Variants in DOCK10 observed in about 807,000 individuals in gnomAD.
DOCK10 encodes dedicator of cytokinesis protein 10.
In DOCK10, 145 loss-of-function variants were observed where a neutral mutation model predicts 280.1. The ratio of observed to expected loss-of-function variants is 0.52; its 90% confidence interval spans 0.45 to 0.59. The LOEUF is 0.59. DOCK10 is among the 20% of genes least tolerant of loss of function. The probability of loss-of-function intolerance (pLI) is 0.00; values close to 1 mark genes in which losing one functional copy is unlikely to be tolerated. For synonymous variants in DOCK10, 915 were observed against 942.2 expected, an observed-to-expected ratio of 0.97 and a Z score of 0.53; for missense variants, 2,368 against 2,651.7, an observed-to-expected ratio of 0.89 and a Z score of 2.35.
At chr2:224,794,101 T>C (rs1692388714) in intron 45 of DOCK10, among the ~76,000 whole-genome samples, 1 of 152,248 alleles carries the variant, frequency 6.6e-6, no homozygotes, top group South Asian at 2.1e-4. Flanking sequence ...AGAAATTTCA[T>C]CATTTTCAGA....
intron 29 of DOCK10, among the ~76,000 whole-genome samples, chr2:224,817,105 C>A (rs541557448): frequency 6.6e-6 from 1 of 152,338 alleles, no homozygotes; most frequent in East Asian, 1.9e-4. Context: ...CAGACTTCTA[C>A]AATGAGCTCC....
chr2:224,945,684 T>TAC (rs1350375934), intron 1 of DOCK10, among the ~76,000 whole-genome samples: 2 of 152,034 alleles, frequency 1.3e-5, no homozygotes, highest in African/African-American at 4.8e-5. Context: ...TGTGCATATA[T>TAC]ATATATATAA....
chr2:224,875,985 A>G (rs1698603293), intron 8 of DOCK10, 53 bp downstream of exon 8: 7 of 1,562,752 alleles, frequency 4.5e-6, no homozygotes, highest in Admixed American at 2.0e-5. Flanking sequence ...TAGTGAACCA[A>G]AAACACAGGT....
chr2:224,990,854 A>C (rs190448889), intron 1 of DOCK10, among the ~76,000 whole-genome samples: 17 of 152,340 alleles, frequency 1.1e-4, no homozygotes, highest in African/African-American at 3.6e-4. Context: ...TTCTGATCAC[A>C]GTCAATTCCT....
intron 1 of DOCK10, among the ~76,000 whole-genome samples, chr2:225,027,246 C>T (rs952488329): frequency 6.6e-6 from 1 of 152,194 alleles, no homozygotes. Context: ...AGTCACCTTT[C>T]GTGACAGTCT....
intron 14 of DOCK10, among the ~76,000 whole-genome samples, chr2:224,858,783 T>C (rs16866242): frequency 0.022 from 3,311 of 152,312 alleles, 118 homozygotes; most frequent in African/African-American, 0.074. Flanking sequence ...CAGTATATTG[T>C]GAGGATCTCA....
intron 3 of DOCK10, among the ~76,000 whole-genome samples, chr2:224,896,920 T>C (rs1483629791): frequency 6.6e-6 from 1 of 152,190 alleles, no homozygotes; most frequent in African/African-American, 2.4e-5. Flanking sequence ...GGGGGAACTA[T>C]TTAACATATT....
At chr2:224,977,454 A>C (rs765578567) in intron 1 of DOCK10, among the ~76,000 whole-genome samples, 7 of 152,206 alleles carry the variant, frequency 4.6e-5, no homozygotes, top group Non-Finnish European at 8.8e-5. Context: ...AATGAAGCTA[A>C]CTTCTGGGGT....
intron 1 of DOCK10, among the ~76,000 whole-genome samples, chr2:224,945,918 A>C (rs1340807941): frequency 6.6e-6 from 1 of 152,196 alleles, no homozygotes; most frequent in African/African-American, 2.4e-5. Context: ...TACACGGTAC[A>C]GGATAGCCCC....
At chr2:224,833,176 C>G (rs992821223) in intron 26 of DOCK10, among the ~76,000 whole-genome samples, 1 of 152,134 alleles carries the variant, frequency 6.6e-6, no homozygotes, top group Non-Finnish European at 1.5e-5. Context: ...TCCTTTTAAA[C>G]CAAGGTCAGC....
chr2:224,845,351 T>A lies in DOCK10; in HGVS notation c.2360-27A>T, dbSNP rs1373872429. On this transcript the variant is annotated intron_variant, in intron 20 of 55. Coordinates refer to ENST00000258390, the MANE Select transcript of DOCK10 (RefSeq NM_014689.3). ...TGTGCAAAAGAATAACCAACAAAAA[T>A]TCTGAGTACAAACCTCCATGGTAAG... 8.2e-6 allele frequency: 13 copies of A among 1,580,794 alleles called. No individual in the cohort carries two copies. The South Asian group carries it at 1.5e-4, about 18-fold the overall frequency.
chr2:224,885,879 T>C, intron 6 of DOCK10, 74 bp from the exon 7 acceptor site: 2 of 1,553,544 alleles, frequency 1.3e-6, no homozygotes. Flanking sequence ...AGAATTATTC[T>C]AATTCCTTCA....
At chr2:224,787,171 T>C in intron 49 of DOCK10, 36 bp from the exon 50 acceptor site, 1 of 1,606,824 alleles carries the variant, frequency 6.2e-7, no homozygotes, top group Non-Finnish European at 8.5e-7. Context: ...ATGAAGATGA[T>C]GCTGTCATAC....
chr2:224,787,503 C>G, intron 48 of DOCK10, 106 bp from the exon 49 acceptor site: 1 of 1,424,740 alleles, frequency 7.0e-7, no homozygotes, highest in Non-Finnish European at 9.6e-7. Flanking sequence ...CCCTCTGTTA[C>G]TGGCATTTAA....
intron 1 of DOCK10, among the ~76,000 whole-genome samples, chr2:225,024,606 A>G (rs1689868688): frequency 6.6e-6 from 1 of 152,122 alleles, no homozygotes. Flanking sequence ...ATTTTGATTC[A>G]TGGCCAGGCA....
chr2:224,899,990 T>C (rs1023207252), intron 3 of DOCK10, among the ~76,000 whole-genome samples: 20 of 152,318 alleles, frequency 1.3e-4, no homozygotes, highest in African/African-American at 4.6e-4. Context: ...GATTTAGTTC[T>C]TGGGCATTCA....
chr2:224,782,327 AT>A (rs1436805900), intron 50 of DOCK10, among the ~76,000 whole-genome samples: 3 of 152,310 alleles, frequency 2.0e-5, no homozygotes, highest in African/African-American at 7.2e-5. Flanking sequence ...CCTTTGGTGG[AT>A]AGAATAAAAT....
intron 1 of DOCK10, among the ~76,000 whole-genome samples, chr2:225,031,831 T>C (rs970212526): frequency 6.6e-6 from 1 of 152,240 alleles, no homozygotes; most frequent in Admixed American, 6.5e-5. Flanking sequence ...AATGGGATTG[T>C]ATGCTTGCCT....
intron 44 of DOCK10, 71 bp from the exon 45 acceptor site, chr2:224,795,165 A>C: frequency 4.4e-6 from 6 of 1,376,718 alleles, no homozygotes; most frequent in Non-Finnish European, 6.1e-6. Context: ...AAGTTATGCT[A>C]TTAATTATGG....
Sources: allele counts gnomAD v4.1 joint callset (sites outside exome capture counted in the v4.1 genomes callset), GRCh38; gene constraint gnomAD v4.1.1; transcripts MANE v1.5; gene names NCBI Gene and HGNC (gene_info 2026-07-23, HGNC 2026-07-21).